Variants in STKLD1 observed in about 807,000 individuals in gnomAD.
STKLD1 encodes the protein serine/threonine kinase like domain containing 1, also known as serine/threonine kinase-like domain-containing protein STKLD1.
A neutral mutation model predicts 80.4 loss-of-function variants in STKLD1; 79 were observed. The ratio of observed to expected loss-of-function variants is 0.98; its 90% CI spans 0.82 to 1.19. The LOEUF (loss-of-function observed/expected upper bound fraction) is 1.19, where lower values mean the gene tolerates loss of function less well. Ranked by LOEUF, STKLD1 falls within the 50% of genes most tolerant of loss-of-function variation. The pLI is 0.00. For missense variants in STKLD1, 841 were observed against 856.0 expected, an observed-to-expected ratio of 0.98 and a Z score of 0.22; for synonymous variants, 393 against 357.6, an observed-to-expected ratio of 1.10 and a Z score of -1.12.
chr9:133,387,238 G>A (rs1455842942), intron 4 of STKLD1, among the ~76,000 whole-genome samples: 1 of 152,216 alleles, frequency 6.6e-6, no homozygotes, highest in African/African-American at 2.4e-5. Context: ...TGTGGATGGA[G>A]TGTGGAGTGG....
chr9:133,381,050 G>T (rs1838118459), intron 2 of STKLD1, among the ~76,000 whole-genome samples: 1 of 145,176 alleles, frequency 6.9e-6, no homozygotes, highest in Admixed American at 6.9e-5. Flanking sequence ...TTTTTGTTTT[G>T]TTTTGTTTTG....
At chr9:133,402,471 G>A (rs930149022) in intron 13 of STKLD1, among the ~76,000 whole-genome samples, 2 of 152,232 alleles carry the variant, frequency 1.3e-5, no homozygotes, top group Non-Finnish European at 2.9e-5. Flanking sequence ...TTTGGGGAGT[G>A]AAAGGAGGCA....
At chr9:133,399,245 TCCATCCACCCATCCAC>T (rs929021514) in intron 11 of STKLD1, among the ~76,000 whole-genome samples, 6 of 152,170 alleles carry the variant, frequency 3.9e-5, no homozygotes, top group Non-Finnish European at 7.3e-5. Flanking sequence ...CACATATCCA[TCCATCCACCCATCCAC>T]CCATCCATCC....
At position 133,402,931 on chromosome 9, in the gene STKLD1, C is replaced by A. The variant is rs200211240; in HGVS notation, c.1393C>A (p.Leu465Met). Reference protein sequence around the residue: ...LQNAGLLEHILEHLNSSLESR... With the variant: ...LQNAGLLEHIMEHLNSSLESR... ...GAATGCTGGGCTGCTGGAGCACATC[C>A]TGGAGCACCTCAACAGCTCCCTCGA... Residue 465 changes from leucine to methionine, a missense_variant, in exon 14 of 18, where the codon CTG (leucine) becomes ATG (methionine). By Grantham distance (15) the Leu-to-Met change is conservative. Transcript: ENST00000371957. 211 of 1,585,606 alleles carry A rather than the reference C, an allele frequency of 1.3e-4. No individual in the cohort carries two copies. Among genetic ancestry groups the A allele is most frequent in the Admixed American group, 2.1e-4 (12 of 56,242 alleles).
intron 9 of STKLD1, among the ~76,000 whole-genome samples, chr9:133,396,503 C>T (rs1838568049): frequency 6.6e-6 from 1 of 152,068 alleles, no homozygotes; most frequent in African/African-American, 2.4e-5. Flanking sequence ...CCTGTAATCC[C>T]AGCAGTTTGG....
At position 133,396,706 on chromosome 9, in the gene STKLD1, G is replaced by A. The variant is rs587749678; in HGVS notation, c.867-458G>A. On this transcript the variant is annotated intron_variant, in intron 9 of 17. Transcript: ENST00000371957. ...CGGGAGGTGGAGGTTGCAGTGAGCC[G>A]AGATTGTGCCACTGCACTCCAGCCT... 1.2e-4 allele frequency among the ~76,000 whole-genome samples: 18 copies of A among 152,190 alleles called. No individual in the cohort carries two copies. In the South Asian group the frequency reaches 1.7e-3, roughly 14 times the overall value.
At chr9:133,404,583 G>C (rs1053018339) in intron 16 of STKLD1, among the ~76,000 whole-genome samples, 1 of 152,198 alleles carries the variant, frequency 6.6e-6, no homozygotes, top group Non-Finnish European at 1.5e-5. Context: ...TTGGCTCTGG[G>C]GGGGCTGCCT....
chr9:133,383,097 TAGTG>T (rs1287966432), intron 2 of STKLD1, among the ~76,000 whole-genome samples: 7 of 148,270 alleles, frequency 4.7e-5, no homozygotes, highest in Non-Finnish European at 1.0e-4. Context: ...GTGGTAATGA[TAGTG>T]GTGGTGGTGG....
intron 2 of STKLD1, among the ~76,000 whole-genome samples, chr9:133,381,811 T>C (rs1247003148): frequency 6.6e-6 from 1 of 152,128 alleles, no homozygotes; most frequent in Non-Finnish European, 1.5e-5. Flanking sequence ...ATATGCCCCC[T>C]AGGACAGGAG....
intron 7 of STKLD1, among the ~76,000 whole-genome samples, chr9:133,391,789 C>G (rs1228220639): frequency 1.3e-5 from 2 of 151,418 alleles, no homozygotes; most frequent in Admixed American, 6.6e-5. Flanking sequence ...CTACTATTGT[C>G]CTATGACCCT....
In STKLD1 at chr9:133,403,765, T is replaced by C; in HGVS notation, c.1540T>C (p.Tyr514His). Residue 514 changes from tyrosine to histidine, a missense_variant, in exon 15 of 18, where the codon TAC becomes CAC. Coordinates refer to ENST00000371957, the MANE Select transcript of STKLD1 (RefSeq NM_153710.5). ...CCTCATCAGCCAGGTGTTGGCCACCTACCCTGCGGATGGGGAAATGGCAGA... is the reference window on the plus strand; with the variant it reads ...CCTCATCAGCCAGGTGTTGGCCACCCACCCTGCGGATGGGGAAATGGCAGA... ...PDLISQVLATYPADGEMAEAS... is the reference protein window; with the variant it reads ...PDLISQVLATHPADGEMAEAS... The C allele has an allele frequency of 6.2e-7, 1 of 1,613,772 alleles. No homozygotes were observed. Among genetic ancestry groups the C allele is most frequent in the Non-Finnish European group, 8.5e-7 (1 of 1,179,950 alleles).
At position 133,397,196 on chromosome 9, in the gene STKLD1, CCTT is replaced by C; in HGVS notation, c.901_903del (p.Phe301del). 1 of 1,614,024 alleles carries C rather than the reference CCTT, an allele frequency of 6.2e-7. No homozygotes were observed. Among genetic ancestry groups the C allele is most frequent in the Non-Finnish European group, 8.5e-7 (1 of 1,180,022 alleles). On this transcript the variant is annotated inframe_deletion, in exon 10 of 18. Coordinates refer to ENST00000371957, the MANE Select transcript of STKLD1 (RefSeq NM_153710.5). ...GTGCACATCACCTTCTTGAGAGGCT[CCTT>C]CAAGTCCTCGTGCGTCTCTCTGACC...
chr9:133,403,670 T>A, intron 14 of STKLD1, 30 bp from the exon 15 acceptor site: 1 of 1,604,282 alleles, frequency 6.2e-7, no homozygotes. Context: ...AAGGCCTGGG[T>A]GTCCCCTTCC....
chr9:133,398,550 G>T (rs1462780163), intron 11 of STKLD1, among the ~76,000 whole-genome samples: 1 of 152,154 alleles, frequency 6.6e-6, no homozygotes, highest in Non-Finnish European at 1.5e-5. Flanking sequence ...AAGCCAAGGC[G>T]GGAGGACTGC....
In STKLD1 at chr9:133,387,542, C is replaced by T; in HGVS notation, c.390C>T (p.Asp130=). The change falls in exon 5 of 18, where the codon GAC becomes GAT. Residue 130 remains aspartate (D), a synonymous_variant. Coordinates refer to ENST00000371957, the MANE Select transcript of STKLD1 (RefSeq NM_153710.5). ...EDKRKAKKII[D]SEWMQNVLGQ... is the part of the protein sequence containing the mutation. ...AGAGGAAGGCAAAGAAAATCATTGA[C>T]TCTGAGGTGAGGTCCTTTGGGGCAC... is the stretch of plus-strand genomic sequence containing the variant. 6.2e-7 allele frequency: 1 copy of T among 1,613,748 alleles called. No individual in the cohort carries two copies. Among genetic ancestry groups the T allele is most frequent in the Non-Finnish European group, 8.5e-7 (1 of 1,179,774 alleles).
chr9:133,389,737 C>T lies in STKLD1; in HGVS notation c.467+141C>T. 1.5e-6 allele frequency: 2 copies of T among 1,373,674 alleles called. No homozygotes were observed. Among genetic ancestry groups the T allele is most frequent in the Non-Finnish European group, 2.0e-6 (2 of 1,023,700 alleles). The allele number at this position is 1,373,674 out of a possible 1,614,324, so 85.1% of individuals were successfully genotyped here. On this transcript the variant is annotated intron_variant, in intron 6 of 17. Transcript: ENST00000371957. This position sits in a 1 kb window ranked among gnomAD's most constrained non-coding sequence, Gnocchi z 6.4. ...CAGTGCAGCCAGGATAGGATGGGAC[C>T]TTACAGAGCTCCTCCCGGGCTTGAA...
At chr9:133,398,127 G>T in intron 11 of STKLD1, 72 bp downstream of exon 11, 1 of 1,451,636 alleles carries the variant, frequency 6.9e-7, no homozygotes, top group Middle Eastern at 1.8e-4. Flanking sequence ...CCTGTGGGGA[G>T]CTGAGGCTGG....
At chr9:133,393,824 G>C (rs999815410) in intron 7 of STKLD1, 1 of 155,124 alleles carries the variant, frequency 6.4e-6, no homozygotes, top group South Asian at 2.0e-4. Context: ...AGCCAACCAG[G>C]GACTGATGGA....
chr9:133,389,421 C>G lies in STKLD1; in HGVS notation c.397-105C>G. On this transcript the variant is annotated intron_variant, in intron 5 of 17. Coordinates refer to ENST00000371957, the MANE Select transcript of STKLD1 (RefSeq NM_153710.5). This position sits in a 1 kb window ranked among gnomAD's most constrained non-coding sequence, Gnocchi z 6.4. The stretch of plus-strand genomic sequence containing the variant: ...CTGGCTTCAGGCCTGTCTCAAGATG[C>G]AAGGAGAGGATACACCACCATCCTG... 7.9e-6 allele frequency: 12 copies of G among 1,509,638 alleles called. No individual in the cohort carries two copies. The highest frequency in any genetic ancestry group is 1.1e-5 in the Non-Finnish European group (12 of 1,125,132). 93.5% of individuals were successfully genotyped at this position (1,509,638 alleles called of 1,614,324 possible).
Sources: allele counts gnomAD v4.1 joint callset (sites outside exome capture counted in the v4.1 genomes callset), GRCh38; gene constraint gnomAD v4.1.1; non-coding constraint Gnocchi (gnomAD v3.1); transcripts MANE v1.5; gene names NCBI Gene and HGNC (gene_info 2026-07-23, HGNC 2026-07-21).